DLG1: variants seen among roughly 807,000 people sequenced by gnomAD.
The protein encoded by DLG1 is disks large homolog 1.
Under a neutral mutation model 123.4 loss-of-function variants are expected in DLG1, and 42 were observed. The ratio of observed to expected loss-of-function variants is 0.34; its 90% CI spans 0.27 to 0.44. The LOEUF (loss-of-function observed/expected upper bound fraction) is 0.44, where lower values mean the gene tolerates loss of function less well. DLG1 is among the 20% of genes least tolerant of loss of function. The pLI is 1.00. For missense variants in DLG1, 942 were observed against 1,082.6 expected (o/e 0.87, Z 1.82); for synonymous variants, 317 against 356.2 (o/e 0.89, Z 1.24).
chr3:197,269,505 T>C (rs958866733), intron 4 of DLG1, among the ~76,000 whole-genome samples: 11 of 152,316 alleles, frequency 7.2e-5, no homozygotes, highest in Non-Finnish European at 1.3e-4. Context: ...AGTATTTTCC[T>C]TTGTCTAGGT....
In DLG1 at chr3:197,055,592, G is replaced by A. The variant is rs1008363594; in HGVS notation, c.2484-3924C>T. Among the ~76,000 whole-genome samples the A allele has an allele frequency of 8.5e-5, 13 of 152,050 alleles. 1 individual carries two copies. Among genetic ancestry groups the A allele is most frequent in the African/African-American group, 3.1e-4 (13 of 41,464 alleles). On this transcript the variant is annotated intron_variant, in intron 23 of 24. Coordinates refer to ENST00000667157, the MANE Select transcript of DLG1 (RefSeq NM_001366207.1). ...AGGTGTAAACTTAGGGTCTTTTCAG[G>A]TATTTTCTAAGCCTGTGATTTTCCA...
In DLG1 at chr3:197,264,922, T is replaced by C. The variant is rs907806079; in HGVS notation, c.318+17757A>G. On this transcript the variant is annotated intron_variant, in intron 4 of 24. Coordinates refer to ENST00000667157, the MANE Select transcript of DLG1 (RefSeq NM_001366207.1). Reference sequence around the variant, plus strand: ...GTACTGTAGGCGTGTATTTATAACCTTCATGATGTAACTAACCCCTTACTA... The same window carrying C: ...GTACTGTAGGCGTGTATTTATAACCCTCATGATGTAACTAACCCCTTACTA... Among the ~76,000 whole-genome samples the C allele has an allele frequency of 2.0e-5, 3 of 152,224 alleles. No individual in the cohort carries two copies. The East Asian group carries it at 5.8e-4, about 29-fold the overall frequency.
rs574263998 is a variant in DLG1 at position 197,162,613 on chromosome 3, T to A, written c.484-12817A>T. Among the ~76,000 whole-genome samples, 17 of 152,284 alleles carry A rather than the reference T, an allele frequency of 1.1e-4. No homozygotes were observed. The South Asian group carries it at 2.3e-3, about 20-fold the overall frequency. On this transcript the variant is annotated intron_variant, in intron 5 of 24. Coordinates refer to ENST00000667157, the MANE Select transcript of DLG1 (RefSeq NM_001366207.1). ...TAGTCAAATTAAGATTTATTAACAA[T>A]GTATGGAGTCTCTTCAACAATGGTG...
intron 13 of DLG1, among the ~76,000 whole-genome samples, chr3:197,106,287 T>C (rs1329374927): frequency 1.3e-5 from 2 of 152,032 alleles, no homozygotes; most frequent in African/African-American, 2.4e-5. Flanking sequence ...GTGCCTGTAG[T>C]CCCAGCTACT....
chr3:197,172,455 T>G lies in DLG1; in HGVS notation c.483+21970A>C, dbSNP rs1190995269. ...TGGATAATTATATTTATTATCTGTC[T>G]TCTTCTACTTAGAGCAGATTTCTGT... On this transcript the variant is annotated intron_variant, in intron 5 of 24. Coordinates refer to ENST00000667157, the MANE Select transcript of DLG1 (RefSeq NM_001366207.1). 5.3e-5 allele frequency among the ~76,000 whole-genome samples: 8 copies of G among 152,300 alleles called. No homozygotes were observed. The East Asian group carries it at 7.7e-4, about 15-fold the overall frequency.
At chr3:197,097,345 T>C (rs536750268) in intron 14 of DLG1, among the ~76,000 whole-genome samples, 14 of 152,276 alleles carry the variant, frequency 9.2e-5, no homozygotes, top group East Asian at 3.9e-4. Flanking sequence ...CTGGTTAACA[T>C]TGGGCTTCTC....
intron 4 of DLG1, among the ~76,000 whole-genome samples, chr3:197,258,927 A>C (rs1758087901): frequency 6.6e-6 from 1 of 152,176 alleles, no homozygotes; most frequent in Non-Finnish European, 1.5e-5. Flanking sequence ...TTATATAATA[A>C]AAATTTATAA....
chr3:197,276,475 C>T (rs1334309288), intron 4 of DLG1, among the ~76,000 whole-genome samples: 1 of 152,176 alleles, frequency 6.6e-6, no homozygotes, highest in Non-Finnish European at 1.5e-5. Context: ...AATATCCTTG[C>T]TGTCAATGTA....
chr3:197,115,656 A>G (rs1772852470), intron 13 of DLG1, among the ~76,000 whole-genome samples: 2 of 152,210 alleles, frequency 1.3e-5, no homozygotes, highest in Admixed American at 1.3e-4. Flanking sequence ...AACAAACTTG[A>G]GTTAATAGAC....
intron 4 of DLG1, among the ~76,000 whole-genome samples, chr3:197,201,488 G>C (rs1725712512): frequency 6.6e-6 from 1 of 152,348 alleles, no homozygotes; most frequent in Non-Finnish European, 1.5e-5. Flanking sequence ...TCAATGTACA[G>C]AAATCAGTAG....
At chr3:197,259,739 C>G (rs1758520061) in intron 4 of DLG1, among the ~76,000 whole-genome samples, 2 of 152,114 alleles carry the variant, frequency 1.3e-5, no homozygotes, top group South Asian at 4.1e-4. Flanking sequence ...GACTTCAAAA[C>G]AAGTACTTTC....
intron 4 of DLG1, among the ~76,000 whole-genome samples, chr3:197,267,929 G>C (rs929314870): frequency 2.6e-5 from 4 of 152,182 alleles, no homozygotes; most frequent in Non-Finnish European, 5.9e-5. Flanking sequence ...GACAGAGAAA[G>C]AGGTTATAGA....
intron 4 of DLG1, among the ~76,000 whole-genome samples, chr3:197,239,187 A>G (rs1747571860): frequency 6.6e-6 from 1 of 152,160 alleles, no homozygotes; most frequent in African/African-American, 2.4e-5. Context: ...ACAGAGTCCT[A>G]TATAGAGCAA....
intron 5 of DLG1, among the ~76,000 whole-genome samples, chr3:197,194,077 C>T (rs1187342486): frequency 6.6e-6 from 1 of 152,068 alleles, no homozygotes; most frequent in Non-Finnish European, 1.5e-5. Flanking sequence ...CCACCTCAGC[C>T]TTCCAAAGTG....
intron 11 of DLG1, among the ~76,000 whole-genome samples, chr3:197,121,823 C>CAAAAAAAAAAAAAAAAAA (rs71161995): frequency 9.8e-6 from 1 of 102,000 alleles, no homozygotes; most frequent in Non-Finnish European, 1.9e-5. Flanking sequence ...ACAATCACCA[C>CAAAAAAAAAAAAAAAAAA]AAAAAAAAAA....
intron 5 of DLG1, among the ~76,000 whole-genome samples, chr3:197,184,955 C>T (rs776654742): frequency 2.6e-5 from 4 of 152,068 alleles, no homozygotes; most frequent in Admixed American, 6.6e-5. Context: ...AAAATGTTTA[C>T]GGGCAGGGGG....
chr3:197,274,508 G>GACACA (rs1407896444), intron 4 of DLG1, among the ~76,000 whole-genome samples: 4 of 151,236 alleles, frequency 2.6e-5, no homozygotes, highest in Non-Finnish European at 4.4e-5. Flanking sequence ...GACACGACAC[G>GACACA]ACACGACACG....
chr3:197,279,286 G>C (rs1424816106), intron 4 of DLG1, among the ~76,000 whole-genome samples: 1 of 152,160 alleles, frequency 6.6e-6, no homozygotes, highest in Admixed American at 6.5e-5. Context: ...TCATCCATCA[G>C]TGTGTTTCAA....
chr3:197,153,169 T>A (rs116097957), intron 5 of DLG1, among the ~76,000 whole-genome samples: 1 of 152,166 alleles, frequency 6.6e-6, no homozygotes, highest in African/African-American at 2.4e-5. Context: ...TTGAGACACA[T>A]TGCATTCAAA....
Sources: gnomAD v4.1 joint callset for allele counts (sites outside exome capture counted in the v4.1 genomes callset) on GRCh38, gnomAD v4.1.1 for gene constraint, MANE v1.5 for transcripts, NCBI Gene and HGNC (gene_info 2026-07-23, HGNC 2026-07-21) for gene names.